The following DMXL2 variants were observed in gnomAD, a reference collection of about 807,000 sequenced individuals.
The protein encoded by DMXL2 is dmX-like protein 2.
A neutral mutation model predicts 331.1 loss-of-function variants in DMXL2; 103 were observed. That is an observed-to-expected ratio of 0.31 (90% CI 0.27 to 0.37). The LOEUF is 0.37. Ranked by LOEUF, DMXL2 falls within the 10% of genes least tolerant of loss-of-function variation. The pLI is 1.00. For synonymous variants in DMXL2, 1,281 were observed against 1,252.1 expected, an observed-to-expected ratio of 1.02 and a Z score of -0.49; for missense variants, 3,171 against 3,642.9, an observed-to-expected ratio of 0.87 and a Z score of 3.33.
intron 1 of DMXL2, among the ~76,000 whole-genome samples, chr15:51,597,612 G>C (rs796113733): frequency 1.1e-4 from 16 of 152,208 alleles, no homozygotes; most frequent in African/African-American, 3.9e-4. Flanking sequence ...ATTCTTGTAG[G>C]GAAATCTCGC....
At position 51,453,645 on chromosome 15, in the gene DMXL2, C is replaced by T. The variant is rs539924813; in HGVS notation, c.8605-4G>A. On this transcript the variant is annotated splice_region_variant and splice_polypyrimidine_tract_variant and intron_variant, in intron 40 of 43. Coordinates refer to ENST00000560891, the MANE Select transcript of DMXL2 (RefSeq NM_001378457.1). ...CTTTACTGTGGCACTGCCAACTCTA[C>T]GAAAAACAAAGTGCAACTGATGTTA... The T allele has an allele frequency of 2.8e-5, 45 of 1,610,732 alleles. No individual in the cohort carries two copies. The highest frequency in any genetic ancestry group is 3.4e-5 in the Non-Finnish European group (40 of 1,178,668).
intron 1 of DMXL2, among the ~76,000 whole-genome samples, chr15:51,588,290 TAGGACCACAGGTGCA>T (rs1353258448): frequency 6.6e-6 from 1 of 152,000 alleles, no homozygotes; most frequent in African/African-American, 2.4e-5. Flanking sequence ...CCCAAATAGC[TAGGACCACAGGTGCA>T]AGCACCACAC....
At chr15:51,506,303 T>C (rs1160854906) in intron 16 of DMXL2, among the ~76,000 whole-genome samples, 1 of 152,138 alleles carries the variant, frequency 6.6e-6, no homozygotes, top group East Asian at 1.9e-4. Context: ...GCTCAAGCAA[T>C]CGTCCTGCCC....
chr15:51,557,110 T>C lies in DMXL2; in HGVS notation c.567+6271A>G, dbSNP rs1160052020. ...TACAAAAGATGAACTACAGCTTTCATTATTCATAGATTATATAATTGTGTA... is the reference window on the plus strand; with the variant it reads ...TACAAAAGATGAACTACAGCTTTCACTATTCATAGATTATATAATTGTGTA... On this transcript the variant is annotated intron_variant, in intron 6 of 43. Coordinates refer to ENST00000560891, the MANE Select transcript of DMXL2 (RefSeq NM_001378457.1). 2.0e-5 allele frequency among the ~76,000 whole-genome samples: 3 copies of C among 152,180 alleles called. No individual in the cohort carries two copies. In the East Asian group the frequency reaches 5.8e-4, roughly 29 times the overall value.
intron 23 of DMXL2, 85 bp from the exon 24 acceptor site, chr15:51,481,708 T>G: frequency 7.6e-7 from 1 of 1,314,900 alleles, no homozygotes; most frequent in Non-Finnish European, 1.0e-6. Flanking sequence ...TCAGCATTTC[T>G]TCAAAAAAAC....
chr15:51,589,072 ACTAATAACCATCTGGAAATGACGGTGG>A (rs1244082107), intron 1 of DMXL2, among the ~76,000 whole-genome samples: 1 of 152,178 alleles, frequency 6.6e-6, no homozygotes, highest in Non-Finnish European at 1.5e-5. Flanking sequence ...CAGAATAATG[ACTAATAACCATCTGGAAATGACGGTGG>A]CTAATAACCA....
At chr15:51,498,274 C>A (rs952361082) in intron 18 of DMXL2, among the ~76,000 whole-genome samples, 1 of 151,808 alleles carries the variant, frequency 6.6e-6, no homozygotes, top group African/African-American at 2.4e-5. Context: ...CAAACACACA[C>A]AAAAAAACAA....
chr15:51,564,335 G>A, intron 4 of DMXL2, 75 bp from the exon 5 acceptor site: 1 of 1,159,772 alleles, frequency 8.6e-7, no homozygotes, highest in Non-Finnish European at 1.2e-6. Flanking sequence ...CTTCTGTTTA[G>A]ATCTGTAAAC....
At position 51,476,664 on chromosome 15, in the gene DMXL2, T is replaced by C. The variant is rs377682060; in HGVS notation, c.6889A>G (p.Ser2297Gly). The C allele has an allele frequency of 4.3e-5, 70 of 1,610,408 alleles. No individual in the cohort carries two copies. Among genetic ancestry groups the C allele is most frequent in the Non-Finnish European group, 5.7e-5 (67 of 1,178,894 alleles). Reference protein sequence around the residue: ...TGMAYQGLLLSDRRRLRTESI... With the variant: ...TGMAYQGLLLGDRRRLRTESI... ...TCTGTCCTTAGTCTTCTACGATCAC[T>C]TAAAAGAAGTCCTTGATAAGCCATT... is the stretch of plus-strand genomic sequence containing the variant. The change falls in exon 27 of 44, where the codon AGT becomes GGT. Residue 2297 changes from serine to glycine, a missense_variant. By Grantham distance (56) the Ser-to-Gly change is moderately conservative. This residue lies in a region of DMXL2 where 766 missense variants were observed against 940.5 expected (regional missense o/e 0.81). Coordinates refer to ENST00000560891, the MANE Select transcript of DMXL2 (RefSeq NM_001378457.1).
At chr15:51,457,550 T>C in intron 36 of DMXL2, 84 bp from the exon 37 acceptor site, 3 of 1,450,168 alleles carry the variant, frequency 2.1e-6, no homozygotes, top group South Asian at 1.4e-5. Context: ...TATGTACCCA[T>C]AGGACAATCT....
intron 15 of DMXL2, among the ~76,000 whole-genome samples, chr15:51,510,217 C>A (rs942971816): frequency 2.0e-5 from 3 of 152,104 alleles, no homozygotes; most frequent in African/African-American, 7.2e-5. Context: ...GGCAATCAGG[C>A]AAGAGAAAGC....
At position 51,476,687 on chromosome 15, in the gene DMXL2, A is replaced by C. The variant is rs1467787878; in HGVS notation, c.6866T>G (p.Met2289Arg). 2 of 1,608,768 alleles carry C rather than the reference A, an allele frequency of 1.2e-6. No individual in the cohort carries two copies. The highest frequency in any genetic ancestry group is 1.7e-6 in the Non-Finnish European group (2 of 1,178,460). ...ACTTAAAAGAAGTCCTTGATAAGCCATTCCTGTAAACTGATTTCCTTCTGT... is the reference window on the plus strand; with the variant it reads ...ACTTAAAAGAAGTCCTTGATAAGCCCTTCCTGTAAACTGATTTCCTTCTGT... ...SQTEGNQFTG[M>R]AYQGLLLSDR... The change falls in exon 27 of 44, where the codon ATG (methionine) becomes AGG (arginine). Residue 2289 changes from methionine (M) to arginine (R), a missense_variant. Met to Arg is a moderately conservative substitution (Grantham distance 91). Around this residue, in one of 7 missense-constraint regions of DMXL2, gnomAD observed 766 missense variants for 940.5 expected, o/e 0.81. Coordinates refer to ENST00000560891, the MANE Select transcript of DMXL2 (RefSeq NM_001378457.1).
intron 6 of DMXL2, among the ~76,000 whole-genome samples, chr15:51,551,564 T>C (rs1596227522): frequency 6.6e-6 from 1 of 152,094 alleles, no homozygotes; most frequent in Non-Finnish European, 1.5e-5. Flanking sequence ...AGAGCCACAT[T>C]TCACTCTAAG....
At chr15:51,583,126 T>G (rs1417127745) in intron 1 of DMXL2, among the ~76,000 whole-genome samples, 9 of 95,256 alleles carry the variant, frequency 9.4e-5, no homozygotes, top group African/African-American at 3.1e-4. Context: ...TTTTTCTTTT[T>G]TTTTTTTTTT....
chr15:51,595,443 C>T (rs1400528945), intron 1 of DMXL2, among the ~76,000 whole-genome samples: 2 of 152,166 alleles, frequency 1.3e-5, no homozygotes, highest in Admixed American at 6.5e-5. Context: ...AATGGAAGAA[C>T]ATTCCATGTT....
chr15:51,462,526 G>C (rs2040216812), intron 33 of DMXL2, among the ~76,000 whole-genome samples: 1 of 152,024 alleles, frequency 6.6e-6, no homozygotes, highest in African/African-American at 2.4e-5. Flanking sequence ...TAGTAGAGAT[G>C]GGGTTTCTCC....
chr15:51,498,838 A>G lies in DMXL2; in HGVS notation c.4386T>C (p.Ser1462=). ...GCTCTGAATACTGATCCTCTGGTTGACTTACTGTCTGATCTTCATAGCTCT... is the reference window on the plus strand; with the variant it reads ...GCTCTGAATACTGATCCTCTGGTTGGCTTACTGTCTGATCTTCATAGCTCT... ...IPQSYEDQTV[S]QPEDQYSELF... is the part of the protein sequence containing the mutation. The change falls in exon 18 of 44, where the codon AGT becomes AGC. Residue 1462 remains serine, a synonymous_variant. Transcript: ENST00000560891. 1 of 1,614,138 alleles carries G rather than the reference A, an allele frequency of 6.2e-7. No individual in the cohort carries two copies. The highest frequency in any genetic ancestry group is 8.5e-7 in the Non-Finnish European group (1 of 1,179,992).
At chr15:51,543,802 G>T (rs1292043605) in intron 8 of DMXL2, among the ~76,000 whole-genome samples, 1 of 151,784 alleles carries the variant, frequency 6.6e-6, no homozygotes, top group African/African-American at 2.4e-5. Context: ...CAAATCACTG[G>T]TTACATATTT....
intron 40 of DMXL2, 54 bp from the exon 41 acceptor site, chr15:51,453,695 A>T: frequency 1.4e-6 from 2 of 1,403,788 alleles, no homozygotes; most frequent in Non-Finnish European, 2.0e-6. Flanking sequence ...AAAATTTGAT[A>T]CAGTACCAAC....
Sources: allele counts gnomAD v4.1 joint callset (sites outside exome capture counted in the v4.1 genomes callset), GRCh38; gene constraint gnomAD v4.1.1; regional missense constraint gnomAD v4.1.1; transcripts MANE v1.5; gene names NCBI Gene and HGNC (gene_info 2026-07-23, HGNC 2026-07-21).